Variants in CNTNAP2 observed in about 807,000 individuals in gnomAD.
The protein encoded by CNTNAP2 is contactin associated protein 2.
Under a neutral mutation model 155.2 loss-of-function variants are expected in CNTNAP2, and 98 were observed. The ratio of observed to expected loss-of-function variants is 0.63; its 90% confidence interval spans 0.54 to 0.75. The LOEUF (loss-of-function observed/expected upper bound fraction) is 0.75, where lower values mean the gene tolerates loss of function less well. Among genes scored for constraint, CNTNAP2 ranks in the 30% least tolerant of loss-of-function variants. The pLI is 0.00. For missense variants in CNTNAP2, 1,727 were observed against 1,688.1 expected (o/e 1.02, Z -0.40); for synonymous variants, 651 against 631.2 (o/e 1.03, Z -0.47).
intron 13 of CNTNAP2, among the ~76,000 whole-genome samples, chr7:147,858,485 A>C (rs1288925637): frequency 6.6e-6 from 1 of 152,248 alleles, no homozygotes; most frequent in Non-Finnish European, 1.5e-5. Context: ...AAGAAAACTG[A>C]ATGTTATTGA....
intron 1 of CNTNAP2, among the ~76,000 whole-genome samples, chr7:146,142,236 C>A (rs1797891575): frequency 6.6e-6 from 1 of 152,118 alleles, no homozygotes; most frequent in Non-Finnish European, 1.5e-5. Context: ...CAGATGTAGC[C>A]CCAAAGTTCA....
intron 18 of CNTNAP2, among the ~76,000 whole-genome samples, chr7:148,211,185 C>T (rs1276188942): frequency 6.6e-6 from 1 of 152,168 alleles, no homozygotes. Context: ...GGTTAATGAC[C>T]TGAGGCTGCA....
chr7:147,746,865 C>T (rs569350394), intron 13 of CNTNAP2, among the ~76,000 whole-genome samples: 1 of 152,254 alleles, frequency 6.6e-6, no homozygotes, highest in African/African-American at 2.4e-5. Flanking sequence ...ATCTTCAAAG[C>T]CCACACTATT....
At chr7:146,573,637 A>G (rs971196607) in intron 1 of CNTNAP2, among the ~76,000 whole-genome samples, 1 of 152,210 alleles carries the variant, frequency 6.6e-6, no homozygotes, top group Non-Finnish European at 1.5e-5. Flanking sequence ...ACCTGCATAA[A>G]GACCTAAGAA....
intron 1 of CNTNAP2, among the ~76,000 whole-genome samples, chr7:146,528,501 A>T (rs112040789): frequency 0.018 from 2,814 of 152,288 alleles, 38 homozygotes; most frequent in Middle Eastern, 0.044. Context: ...AGCACCTGGA[A>T]ATCTCACACT....
At chr7:147,253,953 C>T (rs1247543328) in intron 8 of CNTNAP2, among the ~76,000 whole-genome samples, 1 of 152,130 alleles carries the variant, frequency 6.6e-6, no homozygotes, top group Non-Finnish European at 1.5e-5. Context: ...AAGTAACTTC[C>T]TCCAGCCCCA....
chr7:148,365,729 T>C (rs371406896), intron 21 of CNTNAP2, among the ~76,000 whole-genome samples: 5,794 of 28,616 alleles, frequency 0.2, 1,933 homozygotes, highest in Non-Finnish European at 0.37. Flanking sequence ...TACGTGTATA[T>C]ATGTATGTGT....
chr7:147,312,265 T>A (rs918858444), intron 9 of CNTNAP2, among the ~76,000 whole-genome samples: 9 of 152,008 alleles, frequency 5.9e-5, no homozygotes, highest in Non-Finnish European at 1.3e-4. Flanking sequence ...TATTTTATTT[T>A]TTATTATTAT....
intron 1 of CNTNAP2, among the ~76,000 whole-genome samples, chr7:146,771,519 T>C (rs1802292459): frequency 6.6e-6 from 1 of 152,190 alleles, no homozygotes; most frequent in Non-Finnish European, 1.5e-5. Context: ...ACCCATTACT[T>C]TAGATGATAG....
intron 1 of CNTNAP2, among the ~76,000 whole-genome samples, chr7:146,404,127 A>AAAAAAAACAAAAC (rs1795754818): frequency 7.1e-6 from 1 of 140,608 alleles, no homozygotes; most frequent in African/African-American, 2.8e-5. Context: ...TCCGTCTCAA[A>AAAAAAAACAAAAC]AAAAAAAAAA....
intron 13 of CNTNAP2, among the ~76,000 whole-genome samples, chr7:147,642,828 C>T (rs1466400151): frequency 1.3e-5 from 2 of 152,180 alleles, no homozygotes; most frequent in Admixed American, 1.3e-4. Flanking sequence ...TCATAAGCTT[C>T]TTGCCTGTTT....
At chr7:147,882,561 G>A (rs968755856) in intron 13 of CNTNAP2, among the ~76,000 whole-genome samples, 2 of 152,140 alleles carry the variant, frequency 1.3e-5, no homozygotes, top group Non-Finnish European at 2.9e-5. Flanking sequence ...TGCTATGCTG[G>A]AGACATAACT....
At chr7:146,268,510 C>A (rs1295948530) in intron 1 of CNTNAP2, among the ~76,000 whole-genome samples, 1 of 152,184 alleles carries the variant, frequency 6.6e-6, no homozygotes, top group Non-Finnish European at 1.5e-5. Context: ...ATGACTCCAT[C>A]TCCCCTCTGG....
intron 8 of CNTNAP2, among the ~76,000 whole-genome samples, chr7:147,282,217 G>T (rs938183601): frequency 6.6e-5 from 10 of 151,950 alleles, no homozygotes; most frequent in African/African-American, 2.4e-4. Flanking sequence ...ACACAAAGGG[G>T]ACACTCTAAT....
chr7:147,237,049 CTTTTTTTTTTTTTTTTTT>C (rs548220734), intron 8 of CNTNAP2, among the ~76,000 whole-genome samples: 24 of 57,478 alleles, frequency 4.2e-4, no homozygotes, highest in Admixed American at 1.2e-3. Flanking sequence ...TTCACCTCCT[CTTTTTTTTTTTTTTTTTT>C]TTTTTTTTTT....
At chr7:146,731,935 CTATA>C (rs978161459) in intron 1 of CNTNAP2, among the ~76,000 whole-genome samples, 7 of 145,824 alleles carry the variant, frequency 4.8e-5, no homozygotes, top group African/African-American at 8.2e-5. Context: ...CATTTTTTGT[CTATA>C]TATATATATA....
At chr7:147,113,877 G>A (rs1164065187) in intron 5 of CNTNAP2, among the ~76,000 whole-genome samples, 1 of 152,054 alleles carries the variant, frequency 6.6e-6, no homozygotes, top group Non-Finnish European at 1.5e-5. Flanking sequence ...GTTTGCTCTT[G>A]GTTCTCTAAT....
chr7:147,303,501 T>C (rs1287886760), intron 9 of CNTNAP2, among the ~76,000 whole-genome samples: 7 of 152,208 alleles, frequency 4.6e-5, no homozygotes. Context: ...CACACAACTC[T>C]ATACCATCTG....
chr7:147,508,045 C>T (rs1411255988), intron 11 of CNTNAP2, among the ~76,000 whole-genome samples: 6 of 152,126 alleles, frequency 3.9e-5, no homozygotes, highest in Non-Finnish European at 8.8e-5. Flanking sequence ...CCCTTACTGT[C>T]CCTAACCATG....
Sources: allele counts gnomAD v4.1 joint callset (sites outside exome capture counted in the v4.1 genomes callset), GRCh38; gene constraint gnomAD v4.1.1; transcripts MANE v1.5; gene names NCBI Gene and HGNC (gene_info 2026-07-23, HGNC 2026-07-21).